ADGRB3: variants seen among roughly 807,000 people sequenced by gnomAD.
ADGRB3 encodes brain-specific angiogenesis inhibitor 3.
A neutral mutation model predicts 193.4 loss-of-function variants in ADGRB3; 37 were observed. The observed-to-expected ratio is 0.19, with a 90% CI of 0.15 to 0.25. ADGRB3 has a LOEUF of 0.25. Ranked by LOEUF, ADGRB3 falls within the 10% of genes least tolerant of loss-of-function variation. ADGRB3 has a pLI of 1.00. For synonymous variants in ADGRB3, 690 were observed against 644.2 expected, an observed-to-expected ratio of 1.07 and a Z score of -1.08; for missense variants, 1,637 against 1,852.9, an observed-to-expected ratio of 0.88 and a Z score of 2.14.
intron 3 of ADGRB3, among the ~76,000 whole-genome samples, chr6:68,665,901 T>G (rs1202056497): frequency 6.6e-6 from 1 of 151,860 alleles, no homozygotes; most frequent in African/African-American, 2.4e-5. Context: ...AGTGTCTAAA[T>G]TTTGTAATCC....
At chr6:69,269,254 A>G (rs1237061937) in intron 20 of ADGRB3, among the ~76,000 whole-genome samples, 6 of 152,206 alleles carry the variant, frequency 3.9e-5, no homozygotes, top group Non-Finnish European at 8.8e-5. Context: ...TTAAAACAAA[A>G]TACAGAGGTG....
chr6:68,913,204 G>A (rs1766771862), intron 3 of ADGRB3, among the ~76,000 whole-genome samples: 1 of 152,172 alleles, frequency 6.6e-6, no homozygotes, highest in Admixed American at 6.5e-5. Flanking sequence ...GGTTTTCCAA[G>A]CACAGATGGA....
chr6:68,644,482 C>A (rs1281562671), intron 3 of ADGRB3, among the ~76,000 whole-genome samples: 3 of 152,004 alleles, frequency 2.0e-5, no homozygotes, highest in Non-Finnish European at 4.4e-5. Flanking sequence ...TCTTTTCTGG[C>A]CCTAGCATTA....
chr6:68,834,854 C>T (rs751653146), intron 3 of ADGRB3, among the ~76,000 whole-genome samples: 6 of 151,928 alleles, frequency 3.9e-5, no homozygotes, highest in Non-Finnish European at 1.5e-5. Flanking sequence ...TTCAAGATTT[C>T]GCTTTGAAGA....
chr6:68,661,453 ATATATATGTGTG>A (rs1768642435), intron 3 of ADGRB3, among the ~76,000 whole-genome samples: 1 of 127,952 alleles, frequency 7.8e-6, no homozygotes, highest in Non-Finnish European at 1.7e-5. Flanking sequence ...GTGTGTATAC[ATATATATGTGTG>A]TATATATATG....
At chr6:68,920,109 G>T (rs1766993282) in intron 3 of ADGRB3, among the ~76,000 whole-genome samples, 1 of 152,134 alleles carries the variant, frequency 6.6e-6, no homozygotes. Context: ...AATGTGCTCT[G>T]CTAGATAGCT....
At chr6:69,206,210 A>G (rs1006358910) in intron 17 of ADGRB3, among the ~76,000 whole-genome samples, 3 of 151,788 alleles carry the variant, frequency 2.0e-5, no homozygotes, top group Non-Finnish European at 4.4e-5. Flanking sequence ...GGCAGGAAGC[A>G]TGCGGAATGG....
chr6:68,960,570 C>G (rs1376930733), intron 8 of ADGRB3, among the ~76,000 whole-genome samples: 1 of 152,148 alleles, frequency 6.6e-6, no homozygotes, highest in African/African-American at 2.4e-5. Flanking sequence ...AGGTTGCTCT[C>G]CAACAGGATT....
At chr6:69,024,501 C>T (rs140509168) in intron 13 of ADGRB3, among the ~76,000 whole-genome samples, 318 of 152,240 alleles carry the variant, frequency 2.1e-3, no homozygotes, top group African/African-American at 7.2e-3. Flanking sequence ...TGTTGCTACA[C>T]CCACTTACAG....
intron 4 of ADGRB3, among the ~76,000 whole-genome samples, chr6:68,932,039 T>A (rs1440840536): frequency 6.6e-6 from 1 of 152,128 alleles, no homozygotes; most frequent in African/African-American, 2.4e-5. Flanking sequence ...AATGTATTTC[T>A]CTCCTTTACA....
chr6:69,219,487 A>ATATATATATATATATATG (rs1455210313), intron 17 of ADGRB3, among the ~76,000 whole-genome samples: 1 of 140,522 alleles, frequency 7.1e-6, no homozygotes, highest in Non-Finnish European at 1.6e-5. Flanking sequence ...ATATATATAT[A>ATATATATATATATATATG]TATATACGTG....
chr6:69,320,382 C>T (rs189562538), intron 20 of ADGRB3, among the ~76,000 whole-genome samples: 296 of 150,654 alleles, frequency 2.0e-3, no homozygotes, highest in Non-Finnish European at 3.5e-3. Context: ...TTTTAAGTTC[C>T]GGGGGTACAT....
rs907623097 is a variant in ADGRB3, at chr6:69,081,919, T to G, written c.2480+5881T>G. On this transcript the variant is annotated intron_variant, in intron 17 of 31. Coordinates refer to ENST00000370598, the MANE Select transcript of ADGRB3 (RefSeq NM_001704.3). Reference sequence around the variant, plus strand: ...TGCCCTCAACACAAATTCTCTGGTCTAACATTAGGAATCAAATGGCATCAT... The same window carrying G: ...TGCCCTCAACACAAATTCTCTGGTCGAACATTAGGAATCAAATGGCATCAT... Among the ~76,000 whole-genome samples the G allele has an allele frequency of 3.9e-5, 6 of 152,116 alleles. No individual in the cohort carries two copies. The South Asian group carries it at 1.2e-3, about 31-fold the overall frequency.
chr6:69,205,393 CCTT>C (rs1349154155), intron 17 of ADGRB3, among the ~76,000 whole-genome samples: 1 of 108,228 alleles, frequency 9.2e-6, no homozygotes, highest in African/African-American at 5.4e-5. Context: ...GAATAAAAGA[CCTT>C]TTTTTTTTTT....
At chr6:68,768,675 G>A (rs1766558856) in intron 3 of ADGRB3, among the ~76,000 whole-genome samples, 1 of 152,098 alleles carries the variant, frequency 6.6e-6, no homozygotes, top group African/African-American at 2.4e-5. Flanking sequence ...GGCAACAAAA[G>A]CCAAAATTGA....
intron 6 of ADGRB3, among the ~76,000 whole-genome samples, chr6:68,954,805 G>A (rs142967860): frequency 0.013 from 1,935 of 150,730 alleles, 40 homozygotes; most frequent in African/African-American, 0.045. Context: ...TCAGCCTCCC[G>A]GAGTAGCTAG....
At chr6:69,062,812 C>A in intron 15 of ADGRB3, 122 bp from the exon 16 acceptor site, 1 of 667,204 alleles carries the variant, frequency 1.5e-6, no homozygotes, top group Non-Finnish European at 2.5e-6. Context: ...ATGAATAATA[C>A]TACGATTTAT....
At chr6:69,238,996 T>C (rs564264199) in intron 19 of ADGRB3, 128 bp from the exon 20 acceptor site, 299 of 459,274 alleles carry the variant, frequency 6.5e-4, no homozygotes, top group African/African-American at 5.4e-3. Flanking sequence ...TTATATTTTT[T>C]ATTTTTGTAA....
At chr6:68,814,982 T>A (rs539246424) in intron 3 of ADGRB3, among the ~76,000 whole-genome samples, 1 of 152,292 alleles carries the variant, frequency 6.6e-6, no homozygotes, top group African/African-American at 2.4e-5. Flanking sequence ...TGATGGGACG[T>A]ATCTCAAAAT....
Sources: allele counts gnomAD v4.1 joint callset (sites outside exome capture counted in the v4.1 genomes callset), GRCh38; gene constraint gnomAD v4.1.1; transcripts MANE v1.5; gene names NCBI Gene and HGNC (gene_info 2026-07-23, HGNC 2026-07-21).